Variants in TMEM135 observed in about 807,000 individuals in gnomAD.
The protein encoded by TMEM135 is peroxisomal membrane protein 52.
A neutral mutation model predicts 60.3 loss-of-function variants in TMEM135; 30 were observed. The observed-to-expected ratio is 0.50, with a 90% CI of 0.37 to 0.68. The LOEUF (loss-of-function observed/expected upper bound fraction) is 0.68. Ranked by LOEUF, TMEM135 falls within the 30% of genes least tolerant of loss-of-function variation. The probability of loss-of-function intolerance (pLI) is 0.00; values close to 1 mark genes in which losing one functional copy is unlikely to be tolerated. For synonymous variants in TMEM135, 190 were observed against 186.7 expected (o/e 1.02, Z -0.14); for missense variants, 468 against 548.8 (o/e 0.85, Z 1.47).
At chr11:87,161,866 T>C (rs549932) in intron 5 of TMEM135, among the ~76,000 whole-genome samples, 55,963 of 152,084 alleles carry the variant, frequency 0.37, 10,837 homozygotes, top group East Asian at 0.67. Context: ...AAGAGAAATA[T>C]ACCTGCCTGT....
At chr11:87,130,846 T>A (rs985842389) in intron 4 of TMEM135, among the ~76,000 whole-genome samples, 1 of 152,050 alleles carries the variant, frequency 6.6e-6, no homozygotes, top group African/African-American at 2.4e-5. Context: ...ATTGGAGTGA[T>A]CTAATTTCAC....
chr11:87,319,143 A>G lies in TMEM135; in HGVS notation c.1177-167A>G, dbSNP rs186718811. ...CTCGGCCTCCCCAAGTGCTGAGATT[A>G]CAGGTGTGAGCCACCGTGCCCAGCC... On this transcript the variant is annotated intron_variant, in intron 13 of 14. Coordinates refer to ENST00000305494, the MANE Select transcript of TMEM135 (RefSeq NM_022918.4). 3.2e-4 allele frequency: 206 copies of G among 636,986 alleles called. 2 individuals carry two copies. The Middle Eastern group carries it at 4.4e-3, about 13-fold the overall frequency. 39.5% of individuals were successfully genotyped at this position (636,986 alleles called of 1,614,324 possible). A position where few individuals can be genotyped will look rare whatever the true frequency, so the allele number is the denominator to read the frequency against.
At chr11:87,072,078 T>G (rs547394680) in intron 3 of TMEM135, among the ~76,000 whole-genome samples, 16 of 152,092 alleles carry the variant, frequency 1.1e-4, no homozygotes, top group South Asian at 2.1e-4. Flanking sequence ...TTGTAGTCCC[T>G]GCTACTCAGG....
At chr11:87,042,996 C>G (rs562451895) in intron 1 of TMEM135, among the ~76,000 whole-genome samples, 1 of 146,780 alleles carries the variant, frequency 6.8e-6, no homozygotes, top group Non-Finnish European at 1.5e-5. Flanking sequence ...GCTCTTGTTG[C>G]TCAGGCTGGA....
chr11:87,059,755 C>T (rs530600065), intron 1 of TMEM135, among the ~76,000 whole-genome samples: 1 of 152,304 alleles, frequency 6.6e-6, no homozygotes, highest in South Asian at 2.1e-4. Context: ...TTCAAAATGC[C>T]TACTATGTGC....
intron 6 of TMEM135, among the ~76,000 whole-genome samples, chr11:87,248,675 A>G (rs1941348354): frequency 6.6e-6 from 1 of 151,852 alleles, no homozygotes; most frequent in South Asian, 2.1e-4. Flanking sequence ...TTTTGATCAG[A>G]TTGTACTGAA....
chr11:87,276,723 C>T (rs1198089410), intron 6 of TMEM135, among the ~76,000 whole-genome samples: 2 of 133,926 alleles, frequency 1.5e-5, no homozygotes, highest in Non-Finnish European at 3.1e-5. Context: ...GGCTGTATCG[C>T]GGTAGCGTGA....
chr11:87,263,279 C>T (rs1016308998), intron 6 of TMEM135, among the ~76,000 whole-genome samples: 1 of 152,162 alleles, frequency 6.6e-6, no homozygotes, highest in Non-Finnish European at 1.5e-5. Flanking sequence ...AGATTGGATA[C>T]AAGAACTGTT....
chr11:87,168,499 G>A (rs150946992), intron 5 of TMEM135, among the ~76,000 whole-genome samples: 3,219 of 152,214 alleles, frequency 0.021, 35 homozygotes, highest in South Asian at 0.032. Context: ...ATTCTGGTAC[G>A]TTGTGTCTTT....
intron 6 of TMEM135, among the ~76,000 whole-genome samples, chr11:87,294,474 C>G (rs1177036732): frequency 6.6e-6 from 1 of 152,152 alleles, no homozygotes; most frequent in Admixed American, 6.5e-5. Flanking sequence ...ACCTCCGCCC[C>G]CCGGGTTCAA....
intron 5 of TMEM135, among the ~76,000 whole-genome samples, chr11:87,207,945 A>G (rs975692903): frequency 6.6e-6 from 1 of 152,184 alleles, no homozygotes; most frequent in African/African-American, 2.4e-5. Flanking sequence ...GGTTTAGAGT[A>G]TGCAGCCCAG....
At chr11:87,059,887 A>G (rs1287469881) in intron 1 of TMEM135, among the ~76,000 whole-genome samples, 1 of 152,216 alleles carries the variant, frequency 6.6e-6, no homozygotes, top group East Asian at 1.9e-4. Context: ...AGGCCAAAGC[A>G]GACAGATCAC....
At chr11:87,180,419 GA>G (rs755839663) in intron 5 of TMEM135, among the ~76,000 whole-genome samples, 9 of 152,066 alleles carry the variant, frequency 5.9e-5, no homozygotes, top group Non-Finnish European at 8.8e-5. Flanking sequence ...AGTGTGTGTG[GA>G]GGCAAAAACA....
chr11:87,045,053 G>A (rs148455346), intron 1 of TMEM135, among the ~76,000 whole-genome samples: 3,098 of 149,272 alleles, frequency 0.021, 38 homozygotes, highest in Non-Finnish European at 0.028. Flanking sequence ...TTTTTGAGAC[G>A]GAGTCTGGCT....
intron 5 of TMEM135, among the ~76,000 whole-genome samples, chr11:87,181,125 C>T (rs918568647): frequency 6.6e-6 from 1 of 152,076 alleles, no homozygotes. Context: ...GAAAAAGAAC[C>T]AACAGAAACT....
At chr11:87,188,224 C>G (rs1299519674) in intron 5 of TMEM135, among the ~76,000 whole-genome samples, 2 of 152,096 alleles carry the variant, frequency 1.3e-5, no homozygotes, top group East Asian at 3.9e-4. Context: ...ACCCCTCAAT[C>G]TCATACAGAG....
chr11:87,310,404 G>T (rs1942621426), intron 10 of TMEM135, among the ~76,000 whole-genome samples: 1 of 151,934 alleles, frequency 6.6e-6, no homozygotes, highest in African/African-American at 2.4e-5. Flanking sequence ...TCTCTAAATG[G>T]TAAAGTGTGT....
chr11:87,038,249 T>C (rs1565416772), intron 1 of TMEM135, 63 bp downstream of exon 1: 3 of 1,589,610 alleles, frequency 1.9e-6, no homozygotes, highest in South Asian at 1.1e-5. Context: ...GGGGCTGCAG[T>C]TGGTGCTCCC....
At chr11:87,186,847 T>C (rs909768404) in intron 5 of TMEM135, among the ~76,000 whole-genome samples, 7 of 152,136 alleles carry the variant, frequency 4.6e-5, no homozygotes, top group Non-Finnish European at 8.8e-5. Context: ...GATTTAAAAT[T>C]GGTGGAGGAA....
Sources: gnomAD v4.1 joint callset for allele counts (sites outside exome capture counted in the v4.1 genomes callset) on GRCh38, gnomAD v4.1.1 for gene constraint, MANE v1.5 for transcripts, NCBI Gene and HGNC (gene_info 2026-07-23, HGNC 2026-07-21) for gene names.